Variants in TFAP2B observed in about 807,000 individuals in gnomAD.
TFAP2B encodes the protein transcription factor AP-2 beta, also known as transcription factor AP-2-beta.
In TFAP2B, 9 loss-of-function variants were observed where a neutral mutation model predicts 44.3. That is an observed-to-expected ratio of 0.20 (90% CI 0.12 to 0.35). The LOEUF (loss-of-function observed/expected upper bound fraction) is 0.35. Ranked by LOEUF, TFAP2B falls within the 10% of genes least tolerant of loss-of-function variation. The pLI is 1.00. For synonymous variants in TFAP2B, 270 were observed against 263.8 expected (o/e 1.02, Z -0.23); for missense variants, 509 against 600.0 (o/e 0.85, Z 1.59).
At position 50,843,670 on chromosome 6, in the gene TFAP2B, GATA is replaced by G. The variant is rs1762782089; in HGVS notation, c.*283_*285del. ...CGGTTCTTTCGAGTTTAGTAATACT[GATA>G]ATAAAAGAAAACCATGATTTCCCCT... is the stretch of plus-strand genomic sequence containing the variant. On this transcript the variant is annotated 3_prime_UTR_variant, in exon 7 of 7. Transcript: ENST00000393655. The G allele has an allele frequency of 5.6e-6, 2 of 356,348 alleles. No individual in the cohort carries two copies. Among genetic ancestry groups the G allele is most frequent in the Non-Finnish European group, 1.0e-5 (2 of 199,418 alleles). The allele number at this position is 356,348 out of a possible 1,614,324, so 22.1% of individuals were successfully genotyped here.
In TFAP2B at chr6:50,843,518, A is replaced by G. The variant is rs1226691244; in HGVS notation, c.*126A>G. ...TTATATTAGGTAGAATACACATACA[A>G]TCAAAATTTTAAAAAAAAAAGCTAA... On this transcript the variant is annotated 3_prime_UTR_variant, in exon 7 of 7. Transcript: ENST00000393655. 3 of 1,003,732 alleles carry G rather than the reference A, an allele frequency of 3.0e-6. No homozygotes were observed. Among genetic ancestry groups the G allele is most frequent in the East Asian group, 2.7e-5 (1 of 37,658 alleles). The allele number at this position is 1,003,732 out of a possible 1,614,324, so 62.2% of individuals were successfully genotyped here.
Position 50,844,486 on chromosome 6 carries a change from A to T in TFAP2B, c.*1094A>T, listed in dbSNP as rs1345556845. 6.6e-6 allele frequency: 1 copy of T among 152,588 alleles called. No homozygotes were observed. The highest frequency in any genetic ancestry group is 2.4e-5 in the African/African-American group (1 of 41,420). The allele number at this position is 152,588 out of a possible 1,614,324, so 9.5% of individuals were successfully genotyped here. ...AGAAAAAAAAATCCGATCCCTTTTTAATCAAAGCCTGTGTGTCAGAATTCT... is the reference window on the plus strand; with the variant it reads ...AGAAAAAAAAATCCGATCCCTTTTTTATCAAAGCCTGTGTGTCAGAATTCT... On this transcript the variant is annotated 3_prime_UTR_variant, in exon 7 of 7. Coordinates refer to ENST00000393655, the MANE Select transcript of TFAP2B (RefSeq NM_003221.4).
In TFAP2B at chr6:50,843,382, A is replaced by C; in HGVS notation, c.1373A>C (p.His458Pro). 1 of 1,613,126 alleles carries C rather than the reference A, an allele frequency of 6.2e-7. No homozygotes were observed. Among genetic ancestry groups the C allele is most frequent in the Non-Finnish European group, 8.5e-7 (1 of 1,179,870 alleles). The change falls in exon 7 of 7, where the codon CAC (histidine) becomes CCC (proline). Residue 458 changes from histidine to proline, a missense_variant. By Grantham distance (77) the His-to-Pro change is moderately conservative. Transcript: ENST00000393655. Reference protein sequence around the residue: ...GSKTGDKEEKHRK With the variant: ...GSKTGDKEEKPRK ...AAAACTGGCGACAAGGAGGAGAAAC[A>C]CAGGAAATGAAAAATTTTTAAAAAA... is the stretch of plus-strand genomic sequence containing the variant.
At chr6:50,843,002 C>A (rs751434160) in intron 6 of TFAP2B, 90 bp from the exon 7 acceptor site, 18 of 1,545,218 alleles carry the variant, frequency 1.2e-5, no homozygotes, top group Non-Finnish European at 1.4e-5. Flanking sequence ...GGTGACCCGG[C>A]GCCTCTGGGC....
intron 3 of TFAP2B, among the ~76,000 whole-genome samples, chr6:50,833,651 G>C (rs1762560196): frequency 6.6e-6 from 1 of 152,172 alleles, no homozygotes; most frequent in African/African-American, 2.4e-5. Flanking sequence ...ATGGCAGGGA[G>C]CAATATACAT....
At chr6:50,821,073 A>G (rs1770330742) in intron 1 of TFAP2B, among the ~76,000 whole-genome samples, 1 of 152,232 alleles carries the variant, frequency 6.6e-6, no homozygotes, top group South Asian at 2.1e-4. Flanking sequence ...CTAAGGTTGA[A>G]CTTTAACAGA....
intron 1 of TFAP2B, among the ~76,000 whole-genome samples, chr6:50,822,926 C>A (rs148899150): frequency 2.3e-3 from 349 of 152,212 alleles, no homozygotes; most frequent in African/African-American, 5.3e-3. Context: ...TCAGGGGGAG[C>A]AGCACAGCAA....
intron 1 of TFAP2B, among the ~76,000 whole-genome samples, chr6:50,823,119 A>C (rs1318880294): frequency 6.6e-6 from 1 of 152,114 alleles, no homozygotes; most frequent in Admixed American, 6.5e-5. Flanking sequence ...TGCACTCCCC[A>C]AAAAGCGGCT....
chr6:50,835,943 C>A, intron 3 of TFAP2B, 118 bp from the exon 4 acceptor site: 1 of 861,504 alleles, frequency 1.2e-6, no homozygotes, highest in Non-Finnish European at 2.0e-6. Flanking sequence ...TAAACACTTC[C>A]TCCCTCAGCT....
In TFAP2B at chr6:50,843,314, C is replaced by T. The variant is rs749248308; in HGVS notation, c.1305C>T (p.Asn435=). The change falls in exon 7 of 7, where the codon AAC becomes AAT. Residue 435 remains asparagine (N), a synonymous_variant. Coordinates refer to ENST00000393655, the MANE Select transcript of TFAP2B (RefSeq NM_003221.4). ...LKGMDKMFLN[N]TTTNRHTSGE... ...GCATGGACAAGATGTTCTTGAACAA[C>T]ACCACCACTAACAGGCACACGTCTG... 3 of 1,614,124 alleles carry T rather than the reference C, an allele frequency of 1.9e-6. No homozygotes were observed. The highest frequency in any genetic ancestry group is 2.2e-5 in the South Asian group (2 of 91,080).
At chr6:50,842,995 G>C in intron 6 of TFAP2B, 97 bp from the exon 7 acceptor site, 1 of 1,521,580 alleles carries the variant, frequency 6.6e-7, no homozygotes, top group Non-Finnish European at 9.1e-7. Flanking sequence ...GCTCTTCGGT[G>C]ACCCGGCGCC....
chr6:50,839,801 CT>C (rs1278998617), intron 5 of TFAP2B, among the ~76,000 whole-genome samples: 1 of 152,134 alleles, frequency 6.6e-6, no homozygotes, highest in East Asian at 1.9e-4. Flanking sequence ...GTGACAGATG[CT>C]TTAAAAAGAA....
intron 2 of TFAP2B, among the ~76,000 whole-genome samples, chr6:50,826,785 G>A (rs1026051706): frequency 2.6e-5 from 4 of 151,990 alleles, no homozygotes; most frequent in African/African-American, 7.3e-5. Context: ...AAACATATAA[G>A]GATGTTAAGC....
intron 4 of TFAP2B, 99 bp from the exon 5 acceptor site, chr6:50,837,863 TAACCTCAAGTTAA>T (rs1762653276): frequency 1.1e-6 from 1 of 885,564 alleles, no homozygotes; most frequent in African/African-American, 1.6e-5. Context: ...AAAAATGTGC[TAACCTCAAGTTAA>T]AACCTCTTCA....
At chr6:50,839,264 G>A (rs1268820923) in intron 5 of TFAP2B, among the ~76,000 whole-genome samples, 1 of 152,172 alleles carries the variant, frequency 6.6e-6, no homozygotes, top group Non-Finnish European at 1.5e-5. Flanking sequence ...TCCAATATTT[G>A]TTTGGCAGTT....
At chr6:50,829,569 T>C (rs1770618769) in intron 3 of TFAP2B, among the ~76,000 whole-genome samples, 1 of 152,238 alleles carries the variant, frequency 6.6e-6, no homozygotes, top group South Asian at 2.1e-4. Flanking sequence ...CATTTGACGA[T>C]ACAATTTTAA....
At chr6:50,824,965 A>G (rs556462786) in intron 2 of TFAP2B, among the ~76,000 whole-genome samples, 2 of 152,344 alleles carry the variant, frequency 1.3e-5, no homozygotes, top group African/African-American at 4.8e-5. Flanking sequence ...ATCCTTTGAC[A>G]TACCTCTGAA....
Position 50,843,346 on chromosome 6 carries a change from G to A in TFAP2B, c.1337G>A (p.Gly446Asp), listed in dbSNP as rs1438494259. 3 of 1,614,032 alleles carry A rather than the reference G, an allele frequency of 1.9e-6. No individual in the cohort carries two copies. The highest frequency in any genetic ancestry group is 2.5e-6 in the Non-Finnish European group (3 of 1,180,010). ...ACTAACAGGCACACGTCTGGGGAAG[G>A]CCCAGGTAGTAAAACTGGCGACAAG... ...TTTNRHTSGE[G>D]PGSKTGDKEE... Residue 446 changes from glycine to aspartate, a missense_variant, in exon 7 of 7, where the codon GGC (glycine) becomes GAC (aspartate). Physicochemically the swap from Gly to Asp is moderately conservative, Grantham distance 94. Transcript: ENST00000393655.
intron 3 of TFAP2B, among the ~76,000 whole-genome samples, chr6:50,835,198 C>A (rs1023261125): frequency 2.0e-5 from 3 of 152,122 alleles, no homozygotes; most frequent in East Asian, 1.9e-4. Flanking sequence ...AATTACTTGC[C>A]GAAAAGAAAC....
Sources: gnomAD v4.1 joint callset for allele counts (sites outside exome capture counted in the v4.1 genomes callset) on GRCh38, gnomAD v4.1.1 for gene constraint, MANE v1.5 for transcripts, NCBI Gene and HGNC (gene_info 2026-07-23, HGNC 2026-07-21) for gene names.